The following CARS2 variants were observed in gnomAD, a reference collection of about 807,000 sequenced individuals.
The protein encoded by CARS2 is cysteinyl-tRNA synthetase 2, mitochondrial.
CARS2 carries 52 observed loss-of-function variants against 68.8 expected under a neutral mutation model. That is an observed-to-expected ratio of 0.76 (90% CI 0.61 to 0.95). The LOEUF (loss-of-function observed/expected upper bound fraction) is 0.95. Ranked by LOEUF, CARS2 falls within the 40% of genes least tolerant of loss-of-function variation. The pLI, the probability that CARS2 is intolerant of heterozygous loss-of-function variation, is 0.00. For synonymous variants in CARS2, 314 were observed against 303.6 expected (o/e 1.03, Z -0.36); for missense variants, 780 against 754.2 (o/e 1.03, Z -0.40).
chr13:110,688,062 C>A, intron 3 of CARS2, 44 bp from the exon 4 acceptor site: 1 of 1,338,570 alleles, frequency 7.5e-7, no homozygotes, highest in Non-Finnish European at 1.1e-6. Context: ...CTGGGGCATT[C>A]GCAACAGAAC....
rs1223814236 is a variant in CARS2, at chr13:110,713,283, T to C, written n.253A>G. On this transcript the variant is annotated non_coding_transcript_exon_variant, in exon 1 of 3. Coordinates refer to the CARS2 transcript ENST00000485188. ...GAAGAGTCAGGGGCTGAGGAGCGAG[T>C]TGCGGTAGTTGCTGTGTACCATGGT... is the stretch of plus-strand genomic sequence containing the variant. 2.9e-5 allele frequency: 37 copies of C among 1,282,672 alleles called. No homozygotes were observed. The Admixed American group carries it at 1.4e-3, about 47-fold the overall frequency. The allele number at this position is 1,282,672 out of a possible 1,614,324, so 79.5% of individuals were successfully genotyped here.
At chr13:110,663,708 G>T in intron 8 of CARS2, 190 bp from the exon 9 acceptor site, 1 of 1,386,878 alleles carries the variant, frequency 7.2e-7, no homozygotes, top group Non-Finnish European at 9.3e-7. Context: ...ACCTGCCCTT[G>T]TTCCACGGTG....
intron 5 of CARS2, among the ~76,000 whole-genome samples, chr13:110,685,836 C>T (rs1024513629): frequency 3.3e-5 from 5 of 151,950 alleles, no homozygotes; most frequent in African/African-American, 4.8e-5. Flanking sequence ...AACAGCAAGA[C>T]GCCAGCCTTG....
At chr13:110,688,074 A>T in intron 3 of CARS2, 56 bp from the exon 4 acceptor site, 1 of 1,222,244 alleles carries the variant, frequency 8.2e-7, no homozygotes, top group Non-Finnish European at 1.2e-6. Context: ...CAACAGAACC[A>T]CCCAGCCACA....
intron 14 of CARS2, 90 bp downstream of exon 14, chr13:110,642,225 A>G: frequency 9.9e-7 from 1 of 1,007,326 alleles, no homozygotes. Context: ...AAGCATGGTC[A>G]CGGGGGATGT....
intron 7 of CARS2, among the ~76,000 whole-genome samples, chr13:110,669,058 A>T (rs1049628238): frequency 6.6e-5 from 10 of 151,996 alleles, no homozygotes; most frequent in African/African-American, 2.4e-4. Context: ...CTTTTTTTTC[A>T]TCAAAAGTCA....
intron 3 of CARS2, among the ~76,000 whole-genome samples, chr13:110,693,406 C>T (rs2063531272): frequency 6.6e-6 from 1 of 152,020 alleles, no homozygotes; most frequent in Non-Finnish European, 1.5e-5. Flanking sequence ...GTCGCCCAGG[C>T]TGGAGTGCAG....
chr13:110,690,526 C>A (rs1268403240), intron 3 of CARS2, among the ~76,000 whole-genome samples: 1 of 152,246 alleles, frequency 6.6e-6, no homozygotes, highest in Admixed American at 6.5e-5. Flanking sequence ...GCTGGACACA[C>A]TGAGCTGCCT....
intron 14 of CARS2, 49 bp from the exon 15 acceptor site, chr13:110,641,657 G>C: frequency 7.0e-7 from 1 of 1,432,448 alleles, no homozygotes; most frequent in Non-Finnish European, 9.8e-7. Flanking sequence ...CACGTCATGT[G>C]GCACAGGGGG....
chr13:110,682,324 C>T (rs751918491), intron 6 of CARS2, among the ~76,000 whole-genome samples: 1 of 152,242 alleles, frequency 6.6e-6, no homozygotes, highest in Non-Finnish European at 1.5e-5. Flanking sequence ...ACGCCTCACA[C>T]GTGGCTGATG....
At chr13:110,712,824 C>A (rs72663414) in intron 1 of CARS2, 14 of 887,990 alleles carry the variant, frequency 1.6e-5, no homozygotes, top group South Asian at 4.2e-5. Flanking sequence ...TTCTGGGGCT[C>A]GGCACTAGGA....
chr13:110,706,422 C>G (rs1464372024), upstream of CARS2: 1 of 183,892 alleles, frequency 5.4e-6, no homozygotes, highest in African/African-American at 2.4e-5. Flanking sequence ...CGTCCGTGTG[C>G]GCGCGGTACC....
At chr13:110,650,778 G>C in intron 10 of CARS2, 1 of 448,312 alleles carries the variant, frequency 2.2e-6, no homozygotes, top group Non-Finnish European at 3.9e-6. Flanking sequence ...TTCACGACTT[G>C]TCCAGACCCA....
At chr13:110,697,100 T>C (rs1470673200) in intron 3 of CARS2, among the ~76,000 whole-genome samples, 2 of 152,248 alleles carry the variant, frequency 1.3e-5, no homozygotes, top group Non-Finnish European at 2.9e-5. Flanking sequence ...TGAAGATTCA[T>C]GAGAGGCACG....
At chr13:110,700,856 G>T (rs915019167) in intron 3 of CARS2, among the ~76,000 whole-genome samples, 4 of 152,196 alleles carry the variant, frequency 2.6e-5, no homozygotes. Context: ...TAAGATTGGA[G>T]CCAGGAGACG....
At chr13:110,692,561 CTT>C (rs34307243) in intron 3 of CARS2, among the ~76,000 whole-genome samples, 190 of 132,452 alleles carry the variant, frequency 1.4e-3, no homozygotes, top group South Asian at 2.6e-3. Context: ...CCTATTCTTC[CTT>C]TTTTTTTTTT....
At chr13:110,690,730 C>T (rs1475609715) in intron 3 of CARS2, among the ~76,000 whole-genome samples, 5 of 152,218 alleles carry the variant, frequency 3.3e-5, no homozygotes, top group Non-Finnish European at 5.9e-5. Flanking sequence ...TGGACTTGGC[C>T]GCTCCTGCAA....
Position 110,653,440 on chromosome 13 carries a change from C to T in CARS2, c.988-2340G>A, listed in dbSNP as rs369788. Among the ~76,000 whole-genome samples, 65,826 of 152,004 alleles carry T rather than the reference C, an allele frequency of 0.43. 15,250 individuals are homozygous for T. The highest frequency in any genetic ancestry group is 0.59 in the African/African-American group (24,572 of 41,426). On this transcript the variant is annotated intron_variant, in intron 9 of 14. Transcript: ENST00000257347. The surrounding 1 kb of genome is among the most constrained non-coding windows in gnomAD (Gnocchi z 5.6). The stretch of plus-strand genomic sequence containing the variant: ...ATTAACGCACACAGCCATGTCCTGC[C>T]GGTTTCAGTTCAGGTTGCGCCCTAT...
rs529804222 is a variant in CARS2 at position 110,705,526 on chromosome 13, A to G, written c.270T>C (p.His90=). 8.1e-6 allele frequency: 13 copies of G among 1,596,542 alleles called. No homozygotes were observed. Among genetic ancestry groups the G allele is most frequent in the African/African-American group, 8.1e-5 (6 of 74,222 alleles). ...PTVYDHAHLG[H]ACSYVRFDII... is the part of the protein sequence containing the mutation. ...TTCAAATCCAGGAAACTCACCAAGC[A>G]TGGCCAAGGTGCGCATGATCATATA... Residue 90 remains histidine (H), a synonymous_variant, in exon 2 of 15, where the codon CAT becomes CAC. Transcript: ENST00000257347. The surrounding 1 kb of genome is among the most constrained non-coding windows in gnomAD (Gnocchi z 4.0).
Sources: gnomAD v4.1 joint callset for allele counts (sites outside exome capture counted in the v4.1 genomes callset) on GRCh38, gnomAD v4.1.1 for gene constraint, Gnocchi (gnomAD v3.1) non-coding constraint, MANE v1.5 for transcripts, NCBI Gene and HGNC (gene_info 2026-07-23, HGNC 2026-07-21) for gene names.